Variants in BABAM2 observed in about 807,000 individuals in gnomAD.
BABAM2 encodes the protein BRISC and BRCA1 A complex member 2.
In BABAM2, 31 loss-of-function variants were observed where a neutral mutation model predicts 54.7. The ratio of observed to expected loss-of-function variants is 0.57; its 90% confidence interval spans 0.43 to 0.77. The LOEUF (loss-of-function observed/expected upper bound fraction) is 0.77, where lower values mean the gene tolerates loss of function less well. Ranked by LOEUF, BABAM2 falls within the 30% of genes least tolerant of loss-of-function variation. The probability of loss-of-function intolerance (pLI) is 0.00; values close to 1 mark genes in which losing one functional copy is unlikely to be tolerated. For missense variants in BABAM2, 364 were observed against 455.8 expected, an observed-to-expected ratio of 0.80 and a Z score of 1.83; for synonymous variants, 167 against 162.9, an observed-to-expected ratio of 1.03 and a Z score of -0.19.
At chr2:28,195,170 T>TG (rs1172006867) in intron 7 of BABAM2, among the ~76,000 whole-genome samples, 4 of 152,196 alleles carry the variant, frequency 2.6e-5, no homozygotes, top group Non-Finnish European at 1.5e-5. Flanking sequence ...ACATTGGCAT[T>TG]GGGGGATAAA....
intron 4 of BABAM2, among the ~76,000 whole-genome samples, chr2:28,004,971 A>G (rs1673853837): frequency 6.6e-6 from 1 of 152,220 alleles, no homozygotes. Flanking sequence ...TCTCAATGAG[A>G]TTTGACTTTA....
intron 3 of BABAM2, among the ~76,000 whole-genome samples, chr2:27,953,601 C>T (rs1329423648): frequency 6.6e-6 from 1 of 151,318 alleles, no homozygotes; most frequent in African/African-American, 2.4e-5. Context: ...CCACACTTCT[C>T]TTTTGATACC....
chr2:28,068,257 A>G (rs1044368688), intron 6 of BABAM2, among the ~76,000 whole-genome samples: 1 of 152,194 alleles, frequency 6.6e-6, no homozygotes, highest in East Asian at 1.9e-4. Context: ...TTGCATTCCA[A>G]TCTTCTTATG....
At chr2:28,164,499 AT>A (rs113188472) in intron 7 of BABAM2, among the ~76,000 whole-genome samples, 10 of 148,384 alleles carry the variant, frequency 6.7e-5, no homozygotes, top group East Asian at 5.9e-4. Context: ...ATCCCACAAC[AT>A]TTTTTTTTTC....
chr2:28,183,764 C>CACACACACACACAT (rs1675921523), intron 7 of BABAM2, among the ~76,000 whole-genome samples: 1 of 152,038 alleles, frequency 6.6e-6, no homozygotes, highest in Non-Finnish European at 1.5e-5. Context: ...CACACACACA[C>CACACACACACACAT]ACACACACAC....
At chr2:28,290,252 G>A (rs144483250) in intron 10 of BABAM2, among the ~76,000 whole-genome samples, 1 of 152,260 alleles carries the variant, frequency 6.6e-6, no homozygotes, top group East Asian at 1.9e-4. Context: ...CATTTAAGAT[G>A]TTTCCAGTTT....
At chr2:28,069,179 T>C (rs1207939554) in intron 6 of BABAM2, among the ~76,000 whole-genome samples, 1 of 152,208 alleles carries the variant, frequency 6.6e-6, no homozygotes, top group African/African-American at 2.4e-5. Flanking sequence ...ATCCCCTTCT[T>C]TAGTTAGCCT....
chr2:28,219,658 G>GA (rs879783959), intron 7 of BABAM2, among the ~76,000 whole-genome samples: 3,315 of 134,438 alleles, frequency 0.025, 82 homozygotes, highest in African/African-American at 0.071. Context: ...TGTTTAATCA[G>GA]AAAAAAAAAA....
At chr2:28,174,282 A>G (rs950051371) in intron 7 of BABAM2, among the ~76,000 whole-genome samples, 2 of 152,234 alleles carry the variant, frequency 1.3e-5, no homozygotes, top group Non-Finnish European at 2.9e-5. Context: ...GCACACAAAA[A>G]TACCTGTCCT....
At chr2:28,243,706 CAA>C (rs57052815) in intron 9 of BABAM2, among the ~76,000 whole-genome samples, 1 of 147,584 alleles carries the variant, frequency 6.8e-6, no homozygotes, top group Non-Finnish European at 1.5e-5. Context: ...GACTCTGTCT[CAA>C]AAAAAAAATA....
intron 7 of BABAM2, among the ~76,000 whole-genome samples, chr2:28,146,213 T>G (rs1376807930): frequency 6.6e-6 from 1 of 152,226 alleles, no homozygotes; most frequent in Non-Finnish European, 1.5e-5. Context: ...TTTGCAAATA[T>G]TTTCTCCCAT....
At chr2:28,080,872 C>T (rs983963344) in intron 6 of BABAM2, among the ~76,000 whole-genome samples, 6 of 152,258 alleles carry the variant, frequency 3.9e-5, no homozygotes, top group African/African-American at 1.4e-4. Context: ...TGTAAGGCAT[C>T]TTTTTTCCTA....
At chr2:28,095,841 G>A (rs1473643054) in intron 6 of BABAM2, among the ~76,000 whole-genome samples, 2 of 152,186 alleles carry the variant, frequency 1.3e-5, no homozygotes, top group African/African-American at 2.4e-5. Flanking sequence ...GCTTGGAGGT[G>A]AAGAAGAGAA....
intron 11 of BABAM2, among the ~76,000 whole-genome samples, chr2:28,320,791 C>A (rs968527034): frequency 1.3e-5 from 2 of 152,230 alleles, no homozygotes; most frequent in African/African-American, 4.8e-5. Context: ...TTGCAGCTTC[C>A]AAGTCCCGCT....
intron 3 of BABAM2, among the ~76,000 whole-genome samples, chr2:27,933,413 A>G (rs1668240805): frequency 1.3e-5 from 2 of 152,062 alleles, no homozygotes; most frequent in African/African-American, 4.8e-5. Flanking sequence ...TGATCATGGA[A>G]ACTATATTTA....
chr2:28,168,957 A>C (rs1204421768), intron 7 of BABAM2, among the ~76,000 whole-genome samples: 1 of 152,146 alleles, frequency 6.6e-6, no homozygotes, highest in East Asian at 1.9e-4. Context: ...CTCATTGGCC[A>C]CCTGTAGCCT....
At position 28,298,401 on chromosome 2, in the gene BABAM2, T is replaced by C. The variant is rs762991951; in HGVS notation, c.998T>C (p.Phe333Ser). 6 of 1,614,226 alleles carry C rather than the reference T, an allele frequency of 3.7e-6. No homozygotes were observed. The highest frequency in any genetic ancestry group is 5.1e-6 in the Non-Finnish European group (6 of 1,180,030). ...CTCACATTTCAGTCCGTTTATCACT[T>C]TACCAACAGTGGACAGCTTTACTCC... ...PTLTFQSVYHFTNSGQLYSQA... is the reference protein window; with the variant it reads ...PTLTFQSVYHSTNSGQLYSQA... Residue 333 changes from phenylalanine to serine, a missense_variant, in exon 11 of 12, where the codon TTT (phenylalanine) becomes TCT (serine). By Grantham distance (155) the Phe-to-Ser change is radical (BLOSUM62 -2). Transcript: ENST00000379624.
At chr2:28,222,986 A>G (rs35937640) in intron 7 of BABAM2, among the ~76,000 whole-genome samples, 35,030 of 152,124 alleles carry the variant, frequency 0.23, 5,434 homozygotes, top group East Asian at 0.59. Flanking sequence ...GTTTTGAATC[A>G]TCTATTTTAG....
chr2:28,133,971 C>A (rs1174686417), intron 7 of BABAM2, among the ~76,000 whole-genome samples: 1 of 152,078 alleles, frequency 6.6e-6, no homozygotes, highest in Non-Finnish European at 1.5e-5. Context: ...GGCTGCACGC[C>A]CTTACGATGC....
Sources: gnomAD v4.1 joint callset for allele counts (sites outside exome capture counted in the v4.1 genomes callset) on GRCh38, gnomAD v4.1.1 for gene constraint, MANE v1.5 for transcripts, NCBI Gene and HGNC (gene_info 2026-07-23, HGNC 2026-07-21) for gene names.